The following ATP2C2 variants were observed in gnomAD, a reference collection of about 807,000 sequenced individuals.
The protein encoded by ATP2C2 is calcium-transporting ATPase type 2C member 2.
In ATP2C2, 171 loss-of-function variants were observed where a neutral mutation model predicts 110.8. The ratio of observed to expected loss-of-function variants is 1.54; its 90% confidence interval spans 1.36 to 1.75. ATP2C2 has a LOEUF of 1.75. Among genes scored for constraint, ATP2C2 ranks in the 40% most tolerant of loss-of-function variants. ATP2C2 has a pLI of 0.00. For synonymous variants in ATP2C2, 804 were observed against 508.4 expected (o/e 1.58, Z -7.82); for missense variants, 1,963 against 1,235.0 (o/e 1.59, Z -8.84).
rs576923650 is a variant in ATP2C2 at position 84,425,103 on chromosome 16, G to A, written c.920-632G>A. Among the ~76,000 whole-genome samples the A allele has an allele frequency of 5.1e-4, 78 of 152,064 alleles. No homozygotes were observed. The South Asian group carries it at 6.2e-3, about 12-fold the overall frequency. On this transcript the variant is annotated intron_variant, in intron 10 of 26. Coordinates refer to ENST00000262429, the MANE Select transcript of ATP2C2 (RefSeq NM_014861.4). ...CTCAATACATACACACACACACCCC[G>A]CTACCATCCATCAGAAAACATCCCT...
chr16:84,368,565 C>T lies in ATP2C2; in HGVS notation c.-51C>T. Reference sequence around the variant, plus strand: ...GAGGCTTGGGCGCGCGCAGCCATCCCGGGCCTCGCCGGGGACCTAGGGACG... The same window carrying T: ...GAGGCTTGGGCGCGCGCAGCCATCCTGGGCCTCGCCGGGGACCTAGGGACG... On this transcript the variant is annotated 5_prime_UTR_variant, in exon 1 of 27. Coordinates refer to ENST00000262429, the MANE Select transcript of ATP2C2 (RefSeq NM_014861.4). 1 of 1,417,608 alleles carries T rather than the reference C, an allele frequency of 7.1e-7. No homozygotes were observed. The allele number at this position is 1,417,608 out of a possible 1,614,324, so 87.8% of individuals were successfully genotyped here. A position where few individuals can be genotyped will look rare whatever the true frequency, so the allele number is the denominator to read the frequency against.
chr16:84,458,300 C>T (rs1287332733), intron 21 of ATP2C2, among the ~76,000 whole-genome samples: 2 of 104,274 alleles, frequency 1.9e-5, no homozygotes, highest in Non-Finnish European at 3.8e-5. Flanking sequence ...ACAATGAGAT[C>T]ACATGGACAC....
At chr16:84,390,689 T>G (rs551922395) in intron 1 of ATP2C2, among the ~76,000 whole-genome samples, 1 of 152,248 alleles carries the variant, frequency 6.6e-6, no homozygotes, top group Admixed American at 6.5e-5. Context: ...TGAAAGTGTT[T>G]GGGGATGAGC....
chr16:84,419,996 TACTTG>T (rs1318445097), intron 7 of ATP2C2, among the ~76,000 whole-genome samples: 41 of 152,292 alleles, frequency 2.7e-4, no homozygotes, highest in Middle Eastern at 3.4e-3. Flanking sequence ...AGGCCCAAGC[TACTTG>T]TCTCATGCTG....
chr16:84,439,259 C>G lies in ATP2C2; in HGVS notation c.1080C>G (p.Ile360Met). ...TGCGGATGGCCAAGAAGCGGGTCATCGTGAAGAAGTTACCCATCGTGGAGA... is the reference window on the plus strand; with the variant it reads ...TGCGGATGGCCAAGAAGCGGGTCATGGTGAAGAAGTTACCCATCGTGGAGA... ...GVLRMAKKRV[I>M]VKKLPIVETL... The change falls in exon 12 of 27, where the codon ATC becomes ATG. Residue 360 changes from isoleucine (I) to methionine (M), a missense_variant. By Grantham distance (10) the Ile-to-Met change is conservative. Coordinates refer to ENST00000262429, the MANE Select transcript of ATP2C2 (RefSeq NM_014861.4). 2 of 1,612,530 alleles carry G rather than the reference C, an allele frequency of 1.2e-6. No individual in the cohort carries two copies. Among genetic ancestry groups the G allele is most frequent in the South Asian group, 1.1e-5 (1 of 90,998 alleles).
At chr16:84,461,622 C>G (rs1187773740) in intron 24 of ATP2C2, 92 bp from the exon 25 acceptor site, 2 of 1,175,862 alleles carry the variant, frequency 1.7e-6, no homozygotes, top group East Asian at 4.7e-5. Flanking sequence ...CCAGCCATGC[C>G]CCAGGAGCAG....
intron 18 of ATP2C2, 53 bp from the exon 19 acceptor site, chr16:84,453,085 A>AG: frequency 6.5e-7 from 1 of 1,537,706 alleles, no homozygotes; most frequent in East Asian, 2.4e-5. Flanking sequence ...GCCGGGAGTG[A>AG]GGGGTGGGGA....
chr16:84,442,725 C>A (rs1341598464), intron 15 of ATP2C2, 126 bp downstream of exon 15: 14 of 915,514 alleles, frequency 1.5e-5, no homozygotes, highest in Non-Finnish European at 2.4e-5. Context: ...AGAAAATGGC[C>A]CACACTGGCC....
chr16:84,442,457 A>T, intron 14 of ATP2C2, 53 bp from the exon 15 acceptor site: 1 of 1,573,810 alleles, frequency 6.4e-7, no homozygotes, highest in East Asian at 2.3e-5. Context: ...ACAATGTCTA[A>T]CTTTTTCATG....
chr16:84,386,721 C>T (rs995542156), intron 1 of ATP2C2, among the ~76,000 whole-genome samples: 4 of 152,108 alleles, frequency 2.6e-5, no homozygotes, highest in Non-Finnish European at 4.4e-5. Flanking sequence ...ATTTCAGAAG[C>T]CCTTCCTCAC....
intron 1 of ATP2C2, among the ~76,000 whole-genome samples, chr16:84,373,515 A>AC (rs10675836): frequency 5.9e-5 from 9 of 151,484 alleles, no homozygotes; most frequent in Admixed American, 1.3e-4. Context: ...AACAACAACA[A>AC]AAAAAGAGAC....
Position 84,408,604 on chromosome 16 carries a change from A to G in ATP2C2, c.417+110A>G, listed in dbSNP as rs934659346. ...AAAGAGTTTGCTGTAGGGGGGAAAA[A>G]GGAGCATACAGAAGAAAGAAAGGAA... On this transcript the variant is annotated intron_variant, in intron 4 of 26. Transcript: ENST00000262429. 7.5e-6 allele frequency: 6 copies of G among 795,164 alleles called. No homozygotes were observed. In the Admixed American group the frequency reaches 7.8e-5, roughly 10 times the overall value. 49.3% of individuals were successfully genotyped at this position (795,164 alleles called of 1,614,324 possible).
intron 1 of ATP2C2, among the ~76,000 whole-genome samples, chr16:84,387,975 G>A (rs1192153946): frequency 1.3e-5 from 2 of 151,322 alleles, no homozygotes; most frequent in African/African-American, 4.9e-5. Flanking sequence ...AGCCCTGATG[G>A]CCTCACTCAT....
intron 3 of ATP2C2, among the ~76,000 whole-genome samples, chr16:84,408,014 G>A (rs1378624489): frequency 6.6e-6 from 1 of 152,232 alleles, no homozygotes; most frequent in Non-Finnish European, 1.5e-5. Flanking sequence ...CTGTTACTGA[G>A]TTTGGTGACT....
rs185248546 is a variant in ATP2C2, at chr16:84,370,061, C to A, written c.99+1347C>A. 3.9e-5 allele frequency among the ~76,000 whole-genome samples: 6 copies of A among 152,322 alleles called. No homozygotes were observed. In the East Asian group the frequency reaches 1.2e-3, roughly 29 times the overall value. ...TTTCCTTTCCATCTTTTGATTCTTG[C>A]ATCAGGCCAGGTATTTTTCAAACTC... On this transcript the variant is annotated intron_variant, in intron 1 of 26. Coordinates refer to ENST00000262429, the MANE Select transcript of ATP2C2 (RefSeq NM_014861.4).
chr16:84,460,838 T>C, intron 24 of ATP2C2, 37 bp downstream of exon 24: 1 of 1,586,408 alleles, frequency 6.3e-7, no homozygotes, highest in South Asian at 1.2e-5. Flanking sequence ...CTCCAAGCCC[T>C]GGTGCGGTGC....
intron 10 of ATP2C2, among the ~76,000 whole-genome samples, 195 bp downstream of exon 10, chr16:84,423,458 A>C (rs1395286028): frequency 2.0e-5 from 3 of 152,236 alleles, no homozygotes; most frequent in African/African-American, 7.2e-5. Flanking sequence ...ACAAGCAGCC[A>C]CTACATTTTC....
chr16:84,452,198 C>G (rs1055569826), intron 18 of ATP2C2, 107 bp downstream of exon 18: 4 of 1,361,882 alleles, frequency 2.9e-6, no homozygotes, highest in African/African-American at 2.9e-5. Context: ...GGAGTGCTCA[C>G]GCCTAGCCCT....
chr16:84,415,720 C>G, intron 7 of ATP2C2, 129 bp downstream of exon 7: 1 of 691,384 alleles, frequency 1.4e-6, no homozygotes, highest in Non-Finnish European at 2.4e-6. Context: ...CACATGCATA[C>G]ACACAAGACA....
Sources: allele counts gnomAD v4.1 joint callset (sites outside exome capture counted in the v4.1 genomes callset), GRCh38; gene constraint gnomAD v4.1.1; transcripts MANE v1.5; gene names NCBI Gene and HGNC (gene_info 2026-07-23, HGNC 2026-07-21).